The following SLC9D1 variants were observed in gnomAD, a reference collection of about 807,000 sequenced individuals.
SLC9D1 encodes putative LAG1-interacting protein.
the SLC9D1 span, among the ~76,000 whole-genome samples, chr13:113,503,023 G>A: frequency 6.6e-6 from 1 of 152,248 alleles, no homozygotes; most frequent in African/African-American, 2.4e-5. Context: ...AAGAACGGCT[G>A]TTTCAATGTA....
At chr13:113,543,172 A>AC in the SLC9D1 span, among the ~76,000 whole-genome samples, 8 of 10,330 alleles carry the variant, frequency 7.7e-4, no homozygotes, top group East Asian at 0.012. Context: ...CTCTGTCCGG[A>AC]CCCCACCTCC....
chr13:113,516,631 C>T, the SLC9D1 span, among the ~76,000 whole-genome samples: 1 of 152,024 alleles, frequency 6.6e-6, no homozygotes, highest in African/African-American at 2.4e-5. Flanking sequence ...GACTGTCTCA[C>T]CAGAGCTTAA....
At chr13:113,491,787 A>G in the SLC9D1 span, among the ~76,000 whole-genome samples, 1 of 152,086 alleles carries the variant, frequency 6.6e-6, no homozygotes, top group East Asian at 1.9e-4. Context: ...GTGACTCCTA[A>G]CGGCTCCTCA....
At chr13:113,538,824 G>C in the SLC9D1 span, among the ~76,000 whole-genome samples, 1 of 152,268 alleles carries the variant, frequency 6.6e-6, no homozygotes, top group Non-Finnish European at 1.5e-5. Context: ...GCAGAGCTGC[G>C]CTGAGGCTCC....
At chr13:113,495,367 T>G in the SLC9D1 span, 1 of 502,676 alleles carries the variant, frequency 2.0e-6, no homozygotes, top group Non-Finnish European at 3.5e-6. Flanking sequence ...ATAAATAGTT[T>G]AGATGTTGAT....
the SLC9D1 span, among the ~76,000 whole-genome samples, chr13:113,532,777 C>G: frequency 6.6e-6 from 1 of 151,678 alleles, no homozygotes. Flanking sequence ...CGCTGCCTCC[C>G]TCCTTCTAAG....
At chr13:113,494,668 A>ATT in the SLC9D1 span, among the ~76,000 whole-genome samples, 973 of 152,098 alleles carry the variant, frequency 6.4e-3, 11 homozygotes, top group African/African-American at 0.022. Context: ...ATATATATAT[A>ATT]TATTTTTAAT....
the SLC9D1 span, chr13:113,549,396 G>C: frequency 1.9e-6 from 3 of 1,611,092 alleles, no homozygotes; most frequent in Non-Finnish European, 2.5e-6. Context: ...GACAGTCTCT[G>C]TGACCCGCTC....
the SLC9D1 span, chr13:113,549,825 T>A: frequency 1.7e-6 from 1 of 578,532 alleles, no homozygotes; most frequent in Non-Finnish European, 3.0e-6. Flanking sequence ...TTTTTTTTTT[T>A]CCCTGAAATT....
chr13:113,515,219 A>G, the SLC9D1 span, among the ~76,000 whole-genome samples: 1 of 152,234 alleles, frequency 6.6e-6, no homozygotes, highest in Non-Finnish European at 1.5e-5. Context: ...GTAGCAAAAA[A>G]TTAATCAACT....
At chr13:113,513,420 G>C in the SLC9D1 span, among the ~76,000 whole-genome samples, 1 of 152,192 alleles carries the variant, frequency 6.6e-6, no homozygotes, top group Non-Finnish European at 1.5e-5. Flanking sequence ...GATACATTTA[G>C]TCAGTTATGA....
At chr13:113,541,149 C>T in the SLC9D1 span, among the ~76,000 whole-genome samples, 8 of 152,198 alleles carry the variant, frequency 5.3e-5, no homozygotes, top group Non-Finnish European at 1.2e-4. Context: ...CCTCCGGTGC[C>T]TCCAGCTTTG....
chr13:113,531,036 G>C, the SLC9D1 span, among the ~76,000 whole-genome samples: 2 of 152,152 alleles, frequency 1.3e-5, no homozygotes, highest in Non-Finnish European at 2.9e-5. Flanking sequence ...CAACTTCCTG[G>C]CGGCCCACCA....
chr13:113,541,572 C>T, the SLC9D1 span, among the ~76,000 whole-genome samples: 6 of 139,772 alleles, frequency 4.3e-5, no homozygotes, highest in African/African-American at 1.3e-4. Context: ...GCCATGCACA[C>T]GATTGCTGAT....
chr13:113,496,151 G>A, the SLC9D1 span: 3 of 692,404 alleles, frequency 4.3e-6, no homozygotes, highest in African/African-American at 1.8e-5. Context: ...AGACAGGAAG[G>A]GAAGGCGTGA....
At chr13:113,503,650 A>G in the SLC9D1 span, 1 of 1,067,632 alleles carries the variant, frequency 9.4e-7, no homozygotes, top group East Asian at 2.4e-5. Context: ...GTTTTGGTTC[A>G]TACACTTTTA....
chr13:113,509,389 T>C, the SLC9D1 span, among the ~76,000 whole-genome samples: 12 of 100,422 alleles, frequency 1.2e-4, 1 homozygote, highest in Admixed American at 2.8e-4. Context: ...GTGGGTCCTC[T>C]GGAGCTGCCT....
chr13:113,502,961 C>T, the SLC9D1 span, among the ~76,000 whole-genome samples: 14 of 152,218 alleles, frequency 9.2e-5, no homozygotes, highest in Admixed American at 5.2e-4. Context: ...GCCGCAAGCC[C>T]ACGTGTGGGG....
chr13:113,504,586 G>A, the SLC9D1 span: 4 of 152,202 alleles, frequency 2.6e-5, no homozygotes, highest in Non-Finnish European at 5.9e-5. Context: ...ATCATACGAC[G>A]TTTGATTTTC....
Sources: allele counts gnomAD v4.1 joint callset (sites outside exome capture counted in the v4.1 genomes callset), GRCh38; gene constraint gnomAD v4.1.1; transcripts MANE v1.5; gene names NCBI Gene and HGNC (gene_info 2026-07-23, HGNC 2026-07-21).